Variants in SPAG17 observed in about 807,000 individuals in gnomAD.
SPAG17 encodes sperm associated antigen 17, also known as sperm-associated antigen 17.
Under a neutral mutation model 273.6 loss-of-function variants are expected in SPAG17, and 169 were observed. The ratio of observed to expected loss-of-function variants is 0.62; its 90% CI spans 0.55 to 0.70. The LOEUF (loss-of-function observed/expected upper bound fraction) is 0.70. Ranked by LOEUF, SPAG17 falls within the 30% of genes least tolerant of loss-of-function variation. The pLI is 0.00. For missense variants in SPAG17, 2,557 were observed against 2,627.8 expected (o/e 0.97, Z 0.59); for synonymous variants, 825 against 873.2 (o/e 0.94, Z 0.97).
At chr1:117,963,509 A>T (rs1053789421) in intron 48 of SPAG17, 1 of 177,746 alleles carries the variant, frequency 5.6e-6, no homozygotes, top group Non-Finnish European at 1.2e-5. Context: ...GACTACAGGC[A>T]CCCGCCACCA....
intron 7 of SPAG17, among the ~76,000 whole-genome samples, chr1:118,094,728 T>C (rs1021843691): frequency 1.3e-5 from 2 of 152,198 alleles, no homozygotes; most frequent in African/African-American, 4.8e-5. Context: ...CCTTTTCTTC[T>C]AGAATCCAAT....
At chr1:118,156,958 C>T (rs773381552) in intron 1 of SPAG17, among the ~76,000 whole-genome samples, 7 of 152,242 alleles carry the variant, frequency 4.6e-5, no homozygotes, top group Admixed American at 6.5e-5. Context: ...TGACATCTGC[C>T]TCCTGCAGCA....
At chr1:118,150,744 A>G in intron 2 of SPAG17, 115 bp from the exon 3 acceptor site, 1 of 581,598 alleles carries the variant, frequency 1.7e-6, no homozygotes, top group Non-Finnish European at 3.0e-6. Context: ...CTAGCAAGAA[A>G]GAGGTACCCA....
At chr1:118,145,523 T>C (rs1658927364) in intron 3 of SPAG17, among the ~76,000 whole-genome samples, 1 of 152,206 alleles carries the variant, frequency 6.6e-6, no homozygotes, top group Non-Finnish European at 1.5e-5. Context: ...GAAGATCTAA[T>C]TTGCATTCTA....
At chr1:118,139,823 A>G (rs1307644644) in intron 3 of SPAG17, among the ~76,000 whole-genome samples, 1 of 152,108 alleles carries the variant, frequency 6.6e-6, no homozygotes, top group East Asian at 1.9e-4. Flanking sequence ...GATGGTTGCT[A>G]TTGTTTGAAT....
chr1:118,101,733 T>G lies in SPAG17; in HGVS notation c.634+7A>C. 6.2e-7 allele frequency: 1 copy of G among 1,610,666 alleles called. No homozygotes were observed. Among genetic ancestry groups the G allele is most frequent in the Non-Finnish European group, 8.5e-7 (1 of 1,179,272 alleles). Reference sequence around the variant, plus strand: ...AAAGGCACCGCCGGCAGCAGCACCTTACTGACCAATGTAACGATTGGTGTG... The same window carrying G: ...AAAGGCACCGCCGGCAGCAGCACCTGACTGACCAATGTAACGATTGGTGTG... On this transcript the variant is annotated splice_region_variant and intron_variant, in intron 5 of 48. Transcript: ENST00000336338.
rs989017112 is a variant in SPAG17 at position 118,007,905 on chromosome 1, T to C, written c.4587+139A>G. The C allele has an allele frequency of 1.5e-5, 12 of 817,340 alleles. No individual in the cohort carries two copies. In the African/African-American group the frequency reaches 2.1e-4, roughly 14 times the overall value. The allele number at this position is 817,340 out of a possible 1,614,324, so 50.6% of individuals were successfully genotyped here. On this transcript the variant is annotated intron_variant, in intron 31 of 48. Coordinates refer to ENST00000336338, the MANE Select transcript of SPAG17 (RefSeq NM_206996.4). ...AATAAATAAGAGTTTGAGAAGTATA[T>C]TCTAAGATGTTAGTATTATAAGAGA...
rs1003086141 is a variant in SPAG17 at position 118,016,268 on chromosome 1, A to G, written c.4070-86T>C. On this transcript the variant is annotated intron_variant, in intron 28 of 48. Coordinates refer to ENST00000336338, the MANE Select transcript of SPAG17 (RefSeq NM_206996.4). ...CATTCACTATGTTTTGACACAGTAC[A>G]AACTACCTCAGATACTGTGGCATAG... is the stretch of plus-strand genomic sequence containing the variant. The G allele has an allele frequency of 1.7e-5, 17 of 1,012,990 alleles. No individual in the cohort carries two copies. In the African/African-American group the frequency reaches 1.8e-4, roughly 11 times the overall value. The allele number at this position is 1,012,990 out of a possible 1,614,324, so 62.8% of individuals were successfully genotyped here. A position where few individuals can be genotyped will look rare whatever the true frequency, so the allele number is the denominator to read the frequency against.
At chr1:118,165,406 G>C (rs1378768179) in intron 1 of SPAG17, among the ~76,000 whole-genome samples, 1 of 152,030 alleles carries the variant, frequency 6.6e-6, no homozygotes, top group African/African-American at 2.4e-5. Context: ...CTCCATGTGT[G>C]TCTGTGTCCT....
chr1:118,086,615 G>T, intron 12 of SPAG17, 56 bp downstream of exon 12: 1 of 1,459,520 alleles, frequency 6.9e-7, no homozygotes, highest in Non-Finnish European at 9.6e-7. Context: ...CAACTGAATA[G>T]TTATAAACAC....
Position 117,987,880 on chromosome 1 carries a change from G to A in SPAG17, c.5623C>T (p.His1875Tyr). 6.2e-7 allele frequency: 1 copy of A among 1,611,040 alleles called. No individual in the cohort carries two copies. Among genetic ancestry groups the A allele is most frequent in the Non-Finnish European group, 8.5e-7 (1 of 1,177,476 alleles). Residue 1875 changes from histidine to tyrosine, a missense_variant and splice_region_variant, in exon 40 of 49, where the codon CAC (histidine) becomes TAC (tyrosine). Physicochemically the swap from His to Tyr is moderately conservative, Grantham distance 83 (BLOSUM62 2). Coordinates refer to ENST00000336338, the MANE Select transcript of SPAG17 (RefSeq NM_206996.4). ...GKDFFEKTWR[H>Y]TASSKRWKEK... ...TTCCAGCGTTTTGAGGATGCTGTGT[G>A]TCTATGTGAAAGGAAAGGAAAGTAT... is the stretch of plus-strand genomic sequence containing the variant.
chr1:118,100,576 A>G (rs1656000556), intron 5 of SPAG17, among the ~76,000 whole-genome samples: 1 of 152,198 alleles, frequency 6.6e-6, no homozygotes, highest in Non-Finnish European at 1.5e-5. Context: ...TTCATTTTTA[A>G]GTTATGACTT....
Position 118,101,712 on chromosome 1 carries a change from G to A in SPAG17, c.634+28C>T, listed in dbSNP as rs367663046. ...TGCCACTGTGTTTCACTCGTGAAAG[G>A]CACCGCCGGCAGCAGCACCTTACTG... On this transcript the variant is annotated intron_variant, in intron 5 of 48. Transcript: ENST00000336338. 3.1e-6 allele frequency: 5 copies of A among 1,597,622 alleles called. No individual in the cohort carries two copies. In the African/African-American group the frequency reaches 5.4e-5, roughly 17 times the overall value.
At chr1:118,168,558 A>G (rs1660279392) in intron 1 of SPAG17, among the ~76,000 whole-genome samples, 1 of 152,202 alleles carries the variant, frequency 6.6e-6, no homozygotes, top group African/African-American at 2.4e-5. Flanking sequence ...AAAGACCACT[A>G]TGTGCTTATC....
At chr1:118,024,248 A>G (rs899473723) in intron 27 of SPAG17, among the ~76,000 whole-genome samples, 12 of 152,080 alleles carry the variant, frequency 7.9e-5, no homozygotes, top group African/African-American at 2.7e-4. Context: ...TCTGGAAATT[A>G]TATCATATGG....
At chr1:118,041,075 C>T (rs1041309888) in intron 21 of SPAG17, among the ~76,000 whole-genome samples, 14 of 152,086 alleles carry the variant, frequency 9.2e-5, no homozygotes, top group African/African-American at 3.4e-4. Flanking sequence ...ATTCTCATAA[C>T]CTAGTGAAAA....
intron 12 of SPAG17, 126 bp from the exon 13 acceptor site, chr1:118,086,198 T>C (rs1570666450): frequency 1.1e-6 from 1 of 925,904 alleles, no homozygotes; most frequent in South Asian, 1.7e-5. Flanking sequence ...TCAATGGTAA[T>C]TGGGAAAGAC....
At position 117,966,766 on chromosome 1, in the gene SPAG17, A is replaced by G. The variant is rs765679863; in HGVS notation, c.6388-13T>C. Reference sequence around the variant, plus strand: ...TACCAGCTGCCACCTATAAGACACAAGGTAGCTTTAGGACCAGACAACTCT... The same window carrying G: ...TACCAGCTGCCACCTATAAGACACAGGGTAGCTTTAGGACCAGACAACTCT... On this transcript the variant is annotated splice_polypyrimidine_tract_variant and intron_variant, in intron 46 of 48. Coordinates refer to ENST00000336338, the MANE Select transcript of SPAG17 (RefSeq NM_206996.4). 2 of 1,600,872 alleles carry G rather than the reference A, an allele frequency of 1.2e-6. No individual in the cohort carries two copies. The highest frequency in any genetic ancestry group is 1.7e-6 in the Non-Finnish European group (2 of 1,175,354).
intron 41 of SPAG17, 94 bp downstream of exon 41, chr1:117,984,589 A>T: frequency 1.3e-6 from 1 of 784,134 alleles, no homozygotes; most frequent in Non-Finnish European, 2.1e-6. Context: ...AAAGAATTAA[A>T]CAGCATCAGG....
Sources: gnomAD v4.1 joint callset for allele counts (sites outside exome capture counted in the v4.1 genomes callset) on GRCh38, gnomAD v4.1.1 for gene constraint, MANE v1.5 for transcripts, NCBI Gene and HGNC (gene_info 2026-07-23, HGNC 2026-07-21) for gene names.